CBLL1: variants seen among roughly 807,000 people sequenced by gnomAD.
CBLL1 encodes the protein E3 ubiquitin-protein ligase Hakai.
A neutral mutation model predicts 44.9 loss-of-function variants in CBLL1; 4 were observed. The observed-to-expected ratio is 0.09, with a 90% CI of 0.04 to 0.20. The LOEUF (loss-of-function observed/expected upper bound fraction) is 0.20, where lower values mean the gene tolerates loss of function less well. Among genes scored for constraint, CBLL1 ranks in the 10% least tolerant of loss-of-function variants. CBLL1 has a pLI of 1.00. For synonymous variants in CBLL1, 235 were observed against 202.2 expected (o/e 1.16, Z -1.38); for missense variants, 569 against 636.7 (o/e 0.89, Z 1.14).
intron 1 of CBLL1, among the ~76,000 whole-genome samples, chr7:107,745,075 C>T (rs893215489): frequency 3.9e-5 from 6 of 152,130 alleles, no homozygotes; most frequent in Admixed American, 3.9e-4. Context: ...TTTATTTATG[C>T]AAGATACATG....
In CBLL1 at chr7:107,755,981, T is replaced by G. The variant is rs1793510731; in HGVS notation, c.440+490T>G. ...ACATATGTACACAGATACATATATA[T>G]AGTAGCTGGCATATAGTAAGCACTG... is the stretch of plus-strand genomic sequence containing the variant. On this transcript the variant is annotated intron_variant, in intron 5 of 5. Coordinates refer to ENST00000440859, the MANE Select transcript of CBLL1 (RefSeq NM_024814.4). Among the ~76,000 whole-genome samples, 4 of 152,154 alleles carry G rather than the reference T, an allele frequency of 2.6e-5. 1 individual carries two copies. The South Asian group carries it at 6.2e-4, about 24-fold the overall frequency.
intron 2 of CBLL1, among the ~76,000 whole-genome samples, chr7:107,750,312 CTT>C (rs879672233): frequency 6.9e-6 from 1 of 145,416 alleles, no homozygotes; most frequent in East Asian, 2.0e-4. Flanking sequence ...TGCAGAGAAT[CTT>C]TTTTTTTTTG....
Position 107,759,244 on chromosome 7 carries a change from TTGAC to T in CBLL1, c.*69_*72del. On this transcript the variant is annotated 3_prime_UTR_variant, in exon 6 of 6. Transcript: ENST00000440859. ...TTATGTGTAGTCAATCTTTTAAGCT[TTGAC>T]TGTTTTGGGAAGGAAGAGTACCTCT... 3 of 1,401,638 alleles carry T rather than the reference TTGAC, an allele frequency of 2.1e-6. No individual in the cohort carries two copies. The highest frequency in any genetic ancestry group is 1.4e-5 in the South Asian group (1 of 73,622). The allele number at this position is 1,401,638 out of a possible 1,614,324, so 86.8% of individuals were successfully genotyped here. A position where few individuals can be genotyped will look rare whatever the true frequency, so the allele number is the denominator to read the frequency against.
At chr7:107,750,737 A>G (rs1473032291) in intron 2 of CBLL1, among the ~76,000 whole-genome samples, 1 of 152,184 alleles carries the variant, frequency 6.6e-6, no homozygotes, top group Non-Finnish European at 1.5e-5. Flanking sequence ...TTAGCAAACT[A>G]TGTCTGTGGG....
At chr7:107,746,787 C>A (rs1412860618) in intron 1 of CBLL1, among the ~76,000 whole-genome samples, 2 of 152,214 alleles carry the variant, frequency 1.3e-5, no homozygotes, top group East Asian at 1.9e-4. Flanking sequence ...AGAAAAATTA[C>A]TCCAAGGGGC....
At chr7:107,752,411 C>T in intron 2 of CBLL1, 1 of 343,118 alleles carries the variant, frequency 2.9e-6, no homozygotes, top group Non-Finnish European at 5.7e-6. Flanking sequence ...AAACTTCTTG[C>T]ATCATTGTTT....
In CBLL1 at chr7:107,759,055, T is replaced by C. The variant is rs1336641909; in HGVS notation, c.1353T>C (p.Pro451=). The change falls in exon 6 of 6, where the codon CCT becomes CCC. Residue 451 remains proline (P), a synonymous_variant. Transcript: ENST00000440859. The part of the protein sequence containing the change: ...PPFTQPGGMS[P]GIWPAPRGPP... ...TTACACAACCAGGGGGAATGAGTCCTGGTATATGGCCTGCACCAAGAGGGC... is the reference window on the plus strand; with the variant it reads ...TTACACAACCAGGGGGAATGAGTCCCGGTATATGGCCTGCACCAAGAGGGC... 6.2e-7 allele frequency: 1 copy of C among 1,613,866 alleles called. No homozygotes were observed. Among genetic ancestry groups the C allele is most frequent in the African/African-American group, 1.3e-5 (1 of 74,864 alleles).
chr7:107,760,750 T>G lies in CBLL1; in HGVS notation c.*1572T>G, dbSNP rs763321425. The G allele has an allele frequency of 1.3e-5, 2 of 152,232 alleles. No individual in the cohort carries two copies. Among genetic ancestry groups the G allele is most frequent in the African/African-American group, 4.8e-5 (2 of 41,452 alleles). 9.4% of individuals were successfully genotyped at this position (152,232 alleles called of 1,614,324 possible). A position where few individuals can be genotyped will look rare whatever the true frequency, so the allele number is the denominator to read the frequency against. On this transcript the variant is annotated 3_prime_UTR_variant, in exon 6 of 6. Coordinates refer to ENST00000440859, the MANE Select transcript of CBLL1 (RefSeq NM_024814.4). Reference sequence around the variant, plus strand: ...TTCTTTTGACAAAGGGTGATCTGATTGCTAATTTACCATTTTATTCTGTCA... The same window carrying G: ...TTCTTTTGACAAAGGGTGATCTGATGGCTAATTTACCATTTTATTCTGTCA...
Position 107,758,118 on chromosome 7 carries a change from C to A in CBLL1, c.441-25C>A. 1.3e-6 allele frequency: 2 copies of A among 1,532,108 alleles called. No individual in the cohort carries two copies. The highest frequency in any genetic ancestry group is 8.8e-7 in the Non-Finnish European group (1 of 1,138,696). The allele number at this position is 1,532,108 out of a possible 1,614,324, so 94.9% of individuals were successfully genotyped here. A position where few individuals can be genotyped will look rare whatever the true frequency, so the allele number is the denominator to read the frequency against. ...TTTTTTGTATTCTCTTTTAGTAAAT[C>A]ACATTTCTTTCCCTTCTAATTTAGC... On this transcript the variant is annotated intron_variant, in intron 5 of 5. Transcript: ENST00000440859. The surrounding 1 kb of genome is among the most constrained non-coding windows in gnomAD (Gnocchi z 4.2).
At position 107,744,159 on chromosome 7, in the gene CBLL1, G is replaced by A. The variant is rs1455306435; in HGVS notation, c.-5G>A. On this transcript the variant is annotated 5_prime_UTR_variant, in exon 1 of 6. Transcript: ENST00000440859. ...CCGCTCCCACTGTGCTCTGCGAGCCGAATCATGGATCACACTGGTAAGGAG... is the reference window on the plus strand; with the variant it reads ...CCGCTCCCACTGTGCTCTGCGAGCCAAATCATGGATCACACTGGTAAGGAG... 6.4e-7 allele frequency: 1 copy of A among 1,554,364 alleles called. No individual in the cohort carries two copies. The highest frequency in any genetic ancestry group is 8.7e-7 in the Non-Finnish European group (1 of 1,148,632).
At chr7:107,746,567 G>A (rs1180918322) in intron 1 of CBLL1, among the ~76,000 whole-genome samples, 1 of 152,102 alleles carries the variant, frequency 6.6e-6, no homozygotes, top group Non-Finnish European at 1.5e-5. Flanking sequence ...AATCACAAAG[G>A]CTTTGACAAA....
At position 107,758,358 on chromosome 7, in the gene CBLL1, G is replaced by A. The variant is rs894440637; in HGVS notation, c.656G>A (p.Arg219His). Residue 219 changes from arginine (R) to histidine (H), a missense_variant, in exon 6 of 6, where the codon CGT becomes CAT. Coordinates refer to ENST00000440859, the MANE Select transcript of CBLL1 (RefSeq NM_024814.4). The surrounding 1 kb of genome is among the most constrained non-coding windows in gnomAD (Gnocchi z 4.2). ...CCACCACCAACTGAAATCCCTGAGC[G>A]TTTTATAATGCCACCAGACAAGCAC... Reference protein sequence around the residue: ...IAPPPTEIPERFIMPPDKHHM... With the variant: ...IAPPPTEIPEHFIMPPDKHHM... The A allele has an allele frequency of 6.2e-6, 10 of 1,613,874 alleles. No homozygotes were observed. In the African/African-American group the frequency reaches 8.0e-5, roughly 13 times the overall value.
intron 5 of CBLL1, among the ~76,000 whole-genome samples, chr7:107,755,744 A>G (rs1793501708): frequency 6.6e-6 from 1 of 152,168 alleles, no homozygotes; most frequent in Non-Finnish European, 1.5e-5. Context: ...ATAAACAAAA[A>G]AGTTACTTTT....
rs910448083 is a variant in CBLL1 at position 107,753,973 on chromosome 7, A to C, written c.361A>C (p.Arg121=). 3.8e-6 allele frequency: 6 copies of C among 1,564,748 alleles called. No individual in the cohort carries two copies. Among genetic ancestry groups the C allele is most frequent in the Middle Eastern group, 1.7e-4 (1 of 5,980 alleles). ...TGGATTGCCTATTAAAATCTATGGGAGAATGGTAAGTATAATTAAATATTG... is the reference window on the plus strand; with the variant it reads ...TGGATTGCCTATTAAAATCTATGGGCGAATGGTAAGTATAATTAAATATTG... ...KCGLPIKIYG[R]MIPCKHVFCY... The change falls in exon 4 of 6, where the codon AGA becomes CGA. Residue 121 remains arginine (R), a synonymous_variant. Transcript: ENST00000440859.
chr7:107,744,208 T>A (rs1368637586), intron 1 of CBLL1, 32 bp downstream of exon 1: 1 of 1,540,240 alleles, frequency 6.5e-7, no homozygotes, highest in Admixed American at 2.0e-5. Context: ...GGGTCCCGGT[T>A]CCAAGCCCCC....
At chr7:107,754,922 T>C (rs1793460385) in intron 4 of CBLL1, among the ~76,000 whole-genome samples, 1 of 152,054 alleles carries the variant, frequency 6.6e-6, no homozygotes, top group African/African-American at 2.4e-5. Flanking sequence ...GCCAGGAGTT[T>C]GGGACCAGCC....
At position 107,748,948 on chromosome 7, in the gene CBLL1, A is replaced by C; in HGVS notation, c.82A>C (p.Ile28Leu). 6.2e-7 allele frequency: 1 copy of C among 1,614,158 alleles called. No individual in the cohort carries two copies. The highest frequency in any genetic ancestry group is 1.1e-5 in the South Asian group (1 of 91,072). Residue 28 changes from isoleucine (I) to leucine (L), a missense_variant, in exon 2 of 6, where the codon ATA (isoleucine) becomes CTA (leucine). Physicochemically the swap from Ile to Leu is conservative, Grantham distance 5. Coordinates refer to ENST00000440859, the MANE Select transcript of CBLL1 (RefSeq NM_024814.4). The stretch of plus-strand genomic sequence containing the variant: ...TCTTGATGTTCGCAGACGAATTCCT[A>C]TAAAGCTCATCTCCAAACAAGCAAA... ...GGLDVRRRIP[I>L]KLISKQANKA...
chr7:107,748,124 A>G (rs909087386), intron 1 of CBLL1, among the ~76,000 whole-genome samples: 5 of 152,158 alleles, frequency 3.3e-5, no homozygotes, highest in African/African-American at 7.2e-5. Flanking sequence ...AATTTATTCT[A>G]TAGACAATAA....
At chr7:107,755,360 T>C in intron 4 of CBLL1, 58 bp from the exon 5 acceptor site, 1 of 863,996 alleles carries the variant, frequency 1.2e-6, no homozygotes, top group Non-Finnish European at 1.7e-6. Context: ...TATATATATA[T>C]ATTTTAAAAA....
Sources: allele counts gnomAD v4.1 joint callset (sites outside exome capture counted in the v4.1 genomes callset), GRCh38; gene constraint gnomAD v4.1.1; non-coding constraint Gnocchi (gnomAD v3.1); transcripts MANE v1.5; gene names NCBI Gene and HGNC (gene_info 2026-07-23, HGNC 2026-07-21).